Variants in TM4SF4 observed in about 807,000 individuals in gnomAD.
TM4SF4 encodes transmembrane 4 L six family member 4, also known as transmembrane 4 L6 family member 4.
A neutral mutation model predicts 24.1 loss-of-function variants in TM4SF4; 24 were observed. The ratio of observed to expected loss-of-function variants is 1.00; its 90% CI spans 0.72 to 1.40. The LOEUF (loss-of-function observed/expected upper bound fraction) is 1.40. Ranked by LOEUF, TM4SF4 falls within the 40% of genes most tolerant of loss-of-function variation. The pLI, the probability that TM4SF4 is intolerant of heterozygous loss-of-function variation, is 0.00. For synonymous variants in TM4SF4, 113 were observed against 97.0 expected, an observed-to-expected ratio of 1.17 and a Z score of -0.97; for missense variants, 254 against 254.2, an observed-to-expected ratio of 1.00 and a Z score of 0.01.
chr3:149,491,676 T>A (rs1415912363), intron 3 of TM4SF4, among the ~76,000 whole-genome samples: 3 of 152,150 alleles, frequency 2.0e-5, no homozygotes, highest in African/African-American at 7.2e-5. Flanking sequence ...TCCTTTCCTA[T>A]CAGCATATGG....
intron 3 of TM4SF4, chr3:149,495,764 C>T (rs775379773): frequency 2.2e-5 from 5 of 230,554 alleles, no homozygotes; most frequent in South Asian, 1.2e-4. Context: ...GATCGATCAT[C>T]GTTCTAGTAA....
At position 149,475,892 on chromosome 3, in the gene TM4SF4, G is replaced by C. The variant is rs374767267; in HGVS notation, c.244G>C (p.Gly82Arg). Reference protein sequence around the residue: ...NDCCGCCGNEGCGKRFAMFTS... With the variant: ...NDCCGCCGNERCGKRFAMFTS... ...CTGCTGTGGGTGCTGCGGCAACGAG[G>C]GCTGTGGGAAGCGATTTGCGGTGAG... The change falls in exon 2 of 5, where the codon GGC becomes CGC. Residue 82 changes from glycine (G) to arginine (R), a missense_variant. Gly to Arg is a moderately radical substitution (Grantham distance 125). Transcript: ENST00000305354. The C allele has an allele frequency of 1.3e-5, 21 of 1,612,796 alleles. No homozygotes were observed. The African/African-American group carries it at 2.1e-4, about 16-fold the overall frequency.
intron 3 of TM4SF4, among the ~76,000 whole-genome samples, chr3:149,490,950 C>T (rs1734200274): frequency 6.6e-6 from 1 of 151,882 alleles, no homozygotes; most frequent in Non-Finnish European, 1.5e-5. Context: ...TCTTCTTTTC[C>T]TTCTCTTTTT....
In TM4SF4 at chr3:149,474,891, G is replaced by T; in HGVS notation, c.14G>T (p.Gly5Val). Reference sequence around the variant, plus strand: ...TACCACCCCAGAATGTGCACTGGGGGCTGTGCCAGATGCCTGGGGGGGACC... The same window carrying T: ...TACCACCCCAGAATGTGCACTGGGGTCTGTGCCAGATGCCTGGGGGGGACC... MCTG[G>V]CARCLGGTLI... Residue 5 changes from glycine (G) to valine (V), a missense_variant, in exon 1 of 5, where the codon GGC becomes GTC. By Grantham distance (109) the Gly-to-Val change is moderately radical. Transcript: ENST00000305354. The T allele has an allele frequency of 6.2e-7, 1 of 1,613,666 alleles. No homozygotes were observed. Among genetic ancestry groups the T allele is most frequent in the Non-Finnish European group, 8.5e-7 (1 of 1,179,790 alleles).
At chr3:149,498,588 G>A (rs533868004) in intron 3 of TM4SF4, 134 bp from the exon 4 acceptor site, 5 of 746,862 alleles carry the variant, frequency 6.7e-6, no homozygotes, top group African/African-American at 1.8e-5. Flanking sequence ...TAAATTGTTA[G>A]TACAGAGTAT....
At chr3:149,484,822 G>C (rs1734089732) in intron 2 of TM4SF4, among the ~76,000 whole-genome samples, 2 of 152,162 alleles carry the variant, frequency 1.3e-5, no homozygotes. Flanking sequence ...AAAGTGCTGG[G>C]ATTACAGTCG....
intron 2 of TM4SF4, among the ~76,000 whole-genome samples, chr3:149,477,831 T>C (rs1375665488): frequency 1.3e-5 from 2 of 152,206 alleles, no homozygotes; most frequent in South Asian, 2.1e-4. Context: ...AATCCCATTA[T>C]ATGTTGTGAA....
chr3:149,501,935 C>T (rs1734435024), intron 4 of TM4SF4, among the ~76,000 whole-genome samples: 1 of 152,086 alleles, frequency 6.6e-6, no homozygotes, highest in African/African-American at 2.4e-5. Context: ...TGGTCTTGGC[C>T]CAGTCAGTAG....
chr3:149,483,464 A>G (rs1337829776), intron 2 of TM4SF4, among the ~76,000 whole-genome samples: 1 of 134,186 alleles, frequency 7.5e-6, no homozygotes, highest in Non-Finnish European at 1.7e-5. Context: ...AAAATCAACT[A>G]TAACAAAAAA....
intron 2 of TM4SF4, among the ~76,000 whole-genome samples, chr3:149,486,224 T>G (rs1734113941): frequency 6.6e-6 from 1 of 152,182 alleles, no homozygotes; most frequent in African/African-American, 2.4e-5. Flanking sequence ...AGCCGACATT[T>G]AGCTTAAGCT....
rs1324241083 is a variant in TM4SF4 at position 149,498,770 on chromosome 3, C to T, written c.450C>T (p.Leu150=). Residue 150 remains leucine (L), a synonymous_variant, in exon 4 of 5, where the codon CTC becomes CTT. Transcript: ENST00000305354. ...EALWNKCREP[L]NVVPWNLTLF... ...TATGGAACAAGTGCCGAGAGCCTCTCAATGTGGTTCCCTGGAATCTGACCC... is the reference window on the plus strand; with the variant it reads ...TATGGAACAAGTGCCGAGAGCCTCTTAATGTGGTTCCCTGGAATCTGACCC... 4 of 1,613,890 alleles carry T rather than the reference C, an allele frequency of 2.5e-6. No individual in the cohort carries two copies. Among genetic ancestry groups the T allele is most frequent in the Non-Finnish European group, 3.4e-6 (4 of 1,179,888 alleles).
In TM4SF4 at chr3:149,474,979, A is replaced by G. The variant is rs1163706981; in HGVS notation, c.102A>G (p.Lys34=). The G allele has an allele frequency of 2.5e-6, 4 of 1,613,754 alleles. No homozygotes were observed. The Admixed American group carries it at 6.7e-5, about 27-fold the overall frequency. The change falls in exon 1 of 5, where the codon AAA becomes AAG. Residue 34 remains lysine (K), a synonymous_variant. Transcript: ENST00000305354. ...TCCTGTTATTTTTTCCTGGAGGAAAAGTGATAGATGACAACGACCACCTTT... is the reference window on the plus strand; with the variant it reads ...TCCTGTTATTTTTTCCTGGAGGAAAGGTGATAGATGACAACGACCACCTTT... ...ANILLFFPGG[K]VIDDNDHLSQ...
chr3:149,497,296 T>C (rs2107876044), intron 3 of TM4SF4, among the ~76,000 whole-genome samples: 1 of 152,330 alleles, frequency 6.6e-6, no homozygotes, highest in East Asian at 1.9e-4. Flanking sequence ...TCCCATTTTA[T>C]AGGTAAGTAC....
chr3:149,481,027 A>T (rs1734025006), intron 2 of TM4SF4, among the ~76,000 whole-genome samples: 1 of 151,638 alleles, frequency 6.6e-6, no homozygotes, highest in African/African-American at 2.4e-5. Flanking sequence ...CGCCCAGCTA[A>T]TTTTTTGTAT....
intron 3 of TM4SF4, among the ~76,000 whole-genome samples, chr3:149,488,168 C>A (rs1366239387): frequency 6.6e-6 from 1 of 152,118 alleles, no homozygotes; most frequent in Non-Finnish European, 1.5e-5. Flanking sequence ...TTCATTAATA[C>A]CCCAAATTGC....
At chr3:149,499,071 T>A (rs9799220) in intron 4 of TM4SF4, among the ~76,000 whole-genome samples, 160 bp downstream of exon 4, 13,038 of 152,246 alleles carry the variant, frequency 0.086, 1,105 homozygotes, top group East Asian at 0.43. Flanking sequence ...CAGTCAGCCC[T>A]GTCTGTCAGC....
chr3:149,496,509 C>T (rs1432586048), intron 3 of TM4SF4, among the ~76,000 whole-genome samples: 1 of 152,196 alleles, frequency 6.6e-6, no homozygotes, highest in African/African-American at 2.4e-5. Flanking sequence ...CGGCCAGATG[C>T]CGTGGCTCAC....
At chr3:149,486,435 G>A (rs890381394) in intron 2 of TM4SF4, among the ~76,000 whole-genome samples, 2 of 152,166 alleles carry the variant, frequency 1.3e-5, no homozygotes, top group South Asian at 4.1e-4. Context: ...AGAGGTGATC[G>A]TTTTCTGCCT....
At position 149,503,013 on chromosome 3, in the gene TM4SF4, C is replaced by G. The variant is rs1260588532; in HGVS notation, c.*320C>G. On this transcript the variant is annotated 3_prime_UTR_variant, in exon 5 of 5. Coordinates refer to ENST00000305354, the MANE Select transcript of TM4SF4 (RefSeq NM_004617.4). ...TGTAAAATGTATAAAGTCACATGTACTGCCATACTACTTCTTTGTATATAA... is the reference window on the plus strand; with the variant it reads ...TGTAAAATGTATAAAGTCACATGTAGTGCCATACTACTTCTTTGTATATAA... 3.8e-6 allele frequency: 1 copy of G among 266,064 alleles called. No homozygotes were observed. The allele number at this position is 266,064 out of a possible 1,614,324, so 16.5% of individuals were successfully genotyped here.
Sources: gnomAD v4.1 joint callset for allele counts (sites outside exome capture counted in the v4.1 genomes callset) on GRCh38, gnomAD v4.1.1 for gene constraint, MANE v1.5 for transcripts, NCBI Gene and HGNC (gene_info 2026-07-23, HGNC 2026-07-21) for gene names.